The following FMN1 variants were observed in gnomAD, a reference collection of about 807,000 sequenced individuals.
The protein encoded by FMN1 is formin 1.
In FMN1, 110 loss-of-function variants were observed where a neutral mutation model predicts 132.4. The ratio of observed to expected loss-of-function variants is 0.83; its 90% CI spans 0.71 to 0.97. The LOEUF (loss-of-function observed/expected upper bound fraction) is 0.97. FMN1 is among the 50% of genes least tolerant of loss of function. The pLI is 0.00. For missense variants in FMN1, 1,792 were observed against 1,705.3 expected, an observed-to-expected ratio of 1.05 and a Z score of -0.90; for synonymous variants, 722 against 651.7, an observed-to-expected ratio of 1.11 and a Z score of -1.64.
intron 19 of FMN1, among the ~76,000 whole-genome samples, chr15:32,790,524 A>G (rs1422842936): frequency 6.6e-6 from 1 of 152,084 alleles, no homozygotes; most frequent in African/African-American, 2.4e-5. Flanking sequence ...TAGACTCTAC[A>G]CTCTGGTATT....
At chr15:33,000,192 G>C (rs343920) in intron 7 of FMN1, among the ~76,000 whole-genome samples, 13,545 of 152,262 alleles carry the variant, frequency 0.089, 744 homozygotes, top group Middle Eastern at 0.16. Context: ...GCTCACGCCT[G>C]TAATCCCAGC....
rs537182583 is a variant in FMN1 at position 33,175,045 on chromosome 15, T to C, written c.-132+5153A>G. Among the ~76,000 whole-genome samples, 852 of 101,274 alleles carry C rather than the reference T, an allele frequency of 8.4e-3. 10 individuals carry two copies. The highest frequency in any genetic ancestry group is 0.023 in the African/African-American group (812 of 35,116). 66.4% of individuals were successfully genotyped at this position (101,274 alleles called of 152,430 possible). The stretch of plus-strand genomic sequence containing the variant: ...GAGGAGGAAACGATTTTTTTTTTTT[T>C]AGACAGGGTCTCACCCAGGCTGGAA... On this transcript the variant is annotated intron_variant, in intron 3 of 20. Transcript: ENST00000616417.
intron 9 of FMN1, among the ~76,000 whole-genome samples, chr15:32,951,776 G>A (rs967140818): frequency 1.3e-5 from 2 of 152,144 alleles, no homozygotes; most frequent in African/African-American, 4.8e-5. Flanking sequence ...CTGTACGAAG[G>A]GGCCTTAGAA....
Position 32,847,029 on chromosome 15 carries a change from C to A in FMN1, c.3928+9986G>T, listed in dbSNP as rs148900519. Among the ~76,000 whole-genome samples the A allele has an allele frequency of 1.7e-3, 256 of 152,302 alleles. 1 individual carries two copies. Among genetic ancestry groups the A allele is most frequent in the African/African-American group, 5.8e-3 (243 of 41,566 alleles). ...ACTTCTACCTGGGGACATTTCCAAT[C>A]ATCAGAAAGAGGTTAATGCAATTGC... On this transcript the variant is annotated intron_variant, in intron 17 of 20. Transcript: ENST00000616417.
intron 9 of FMN1, among the ~76,000 whole-genome samples, chr15:32,935,851 C>T (rs2061255613): frequency 6.6e-6 from 1 of 152,132 alleles, no homozygotes; most frequent in African/African-American, 2.4e-5. Flanking sequence ...TGGTCTTGAA[C>T]TCCTGACCTC....
chr15:32,819,522 A>G (rs901520307), intron 17 of FMN1, among the ~76,000 whole-genome samples: 2 of 152,204 alleles, frequency 1.3e-5, no homozygotes, highest in African/African-American at 2.4e-5. Flanking sequence ...ATTAAAGTGG[A>G]TATTTGACAG....
intron 4 of FMN1, chr15:33,106,027 G>A (rs2039471365): frequency 6.6e-6 from 1 of 152,032 alleles, no homozygotes; most frequent in Non-Finnish European, 1.5e-5. Flanking sequence ...TGATTGTTCT[G>A]CCTTCTCTCG....
chr15:32,881,515 T>C (rs916078496), intron 16 of FMN1, among the ~76,000 whole-genome samples: 10 of 152,208 alleles, frequency 6.6e-5, no homozygotes, highest in African/African-American at 2.4e-4. Context: ...TTGATGAGTG[T>C]TCAATCAATG....
At chr15:33,114,640 C>T (rs2039842036) in intron 4 of FMN1, among the ~76,000 whole-genome samples, 1 of 152,146 alleles carries the variant, frequency 6.6e-6, no homozygotes, top group Non-Finnish European at 1.5e-5. Context: ...TGCCACATGA[C>T]CAACAATGCA....
chr15:32,917,938 C>T (rs1162766497), intron 10 of FMN1, among the ~76,000 whole-genome samples: 2 of 152,176 alleles, frequency 1.3e-5, no homozygotes, highest in Non-Finnish European at 2.9e-5. Flanking sequence ...TTAGTATATA[C>T]ATTCATAGTT....
At chr15:32,789,727 C>G (rs1366396109) in intron 19 of FMN1, among the ~76,000 whole-genome samples, 3 of 152,132 alleles carry the variant, frequency 2.0e-5, no homozygotes, top group Admixed American at 2.0e-4. Context: ...GAGCAATTTC[C>G]AATCCTGCAA....
At chr15:33,037,780 G>A (rs1489625842) in intron 6 of FMN1, among the ~76,000 whole-genome samples, 2 of 152,060 alleles carry the variant, frequency 1.3e-5, no homozygotes, top group African/African-American at 2.4e-5. Flanking sequence ...AAACTAGAAC[G>A]GTGTTCTTCA....
At chr15:33,023,782 A>G (rs1179722129) in intron 6 of FMN1, among the ~76,000 whole-genome samples, 1 of 152,216 alleles carries the variant, frequency 6.6e-6, no homozygotes, top group East Asian at 1.9e-4. Context: ...GCCAAGCAAC[A>G]TATGGAAACA....
chr15:33,041,980 T>A (rs2036461788), intron 6 of FMN1, among the ~76,000 whole-genome samples: 7 of 152,012 alleles, frequency 4.6e-5, no homozygotes, highest in Admixed American at 2.6e-4. Context: ...ATGTTATGTA[T>A]ATTTTACCAC....
chr15:32,935,915 C>G (rs374263409), intron 9 of FMN1, among the ~76,000 whole-genome samples: 158 of 152,166 alleles, frequency 1.0e-3, no homozygotes, highest in African/African-American at 3.8e-3. Context: ...CGTGAGCCAC[C>G]GGCACCTAGC....
chr15:33,113,538 G>C (rs1014269879), intron 4 of FMN1, among the ~76,000 whole-genome samples: 1 of 151,980 alleles, frequency 6.6e-6, no homozygotes, highest in African/African-American at 2.4e-5. Context: ...CATGAAGTAC[G>C]ACCCTGCTCC....
intron 4 of FMN1, among the ~76,000 whole-genome samples, chr15:33,143,693 C>T (rs1964098126): frequency 6.6e-6 from 1 of 152,122 alleles, no homozygotes. Flanking sequence ...CTCCTAAGGA[C>T]AATTTGTCGC....
intron 15 of FMN1, among the ~76,000 whole-genome samples, chr15:32,896,645 A>T (rs186855513): frequency 1.8e-3 from 270 of 152,022 alleles, no homozygotes; most frequent in African/African-American, 6.2e-3. Flanking sequence ...ATACTTATTT[A>T]AGTGGAATCA....
At chr15:32,953,684 GA>G (rs1463195972) in intron 9 of FMN1, among the ~76,000 whole-genome samples, 1 of 152,204 alleles carries the variant, frequency 6.6e-6, no homozygotes, top group Non-Finnish European at 1.5e-5. Flanking sequence ...CTCGACCGTG[GA>G]AACTCTGCTA....
Sources: allele counts gnomAD v4.1 joint callset (sites outside exome capture counted in the v4.1 genomes callset), GRCh38; gene constraint gnomAD v4.1.1; transcripts MANE v1.5; gene names NCBI Gene and HGNC (gene_info 2026-07-23, HGNC 2026-07-21).